Variants in LRRC1 observed in about 807,000 individuals in gnomAD.
The protein encoded by LRRC1 is leucine-rich repeat-containing protein 1.
Under a neutral mutation model 69.9 loss-of-function variants are expected in LRRC1, and 28 were observed. That is an observed-to-expected ratio of 0.40 (90% CI 0.30 to 0.55). The LOEUF (loss-of-function observed/expected upper bound fraction) is 0.55. Among genes scored for constraint, LRRC1 ranks in the 20% least tolerant of loss-of-function variants. The probability of loss-of-function intolerance (pLI) is 0.47; values close to 1 mark genes in which losing one functional copy is unlikely to be tolerated. For synonymous variants in LRRC1, 236 were observed against 240.2 expected (o/e 0.98, Z 0.16); for missense variants, 498 against 609.0 (o/e 0.82, Z 1.92).
chr6:53,840,828 T>A (rs1222370557), intron 1 of LRRC1, among the ~76,000 whole-genome samples: 1 of 152,036 alleles, frequency 6.6e-6, no homozygotes, highest in African/African-American at 2.4e-5. Context: ...GTTGAGGAAT[T>A]ATTTTTTCTG....
intron 2 of LRRC1, among the ~76,000 whole-genome samples, chr6:53,846,377 G>A (rs1307307858): frequency 6.6e-6 from 1 of 152,210 alleles, no homozygotes; most frequent in Non-Finnish European, 1.5e-5. Flanking sequence ...AGTGCATATG[G>A]TCTCTTCCCC....
chr6:53,857,892 G>A (rs1202725736), intron 2 of LRRC1, among the ~76,000 whole-genome samples: 1 of 152,240 alleles, frequency 6.6e-6, no homozygotes, highest in Non-Finnish European at 1.5e-5. Context: ...TCTAAGGGAT[G>A]TGAGCAATTA....
intron 10 of LRRC1, among the ~76,000 whole-genome samples, chr6:53,911,169 A>G (rs1768397041): frequency 6.6e-6 from 1 of 152,212 alleles, no homozygotes; most frequent in Non-Finnish European, 1.5e-5. Flanking sequence ...TGGGTGTGAG[A>G]TTAGAGTGGG....
chr6:53,919,926 G>A (rs994726467), intron 12 of LRRC1, among the ~76,000 whole-genome samples: 4 of 152,208 alleles, frequency 2.6e-5, no homozygotes, highest in African/African-American at 9.7e-5. Context: ...AGCTAAGGCT[G>A]AAAATACAAT....
chr6:53,822,072 T>C (rs1765133142), intron 1 of LRRC1, among the ~76,000 whole-genome samples: 1 of 152,182 alleles, frequency 6.6e-6, no homozygotes. Flanking sequence ...CAGTTTCTCT[T>C]TGTTGTTACC....
intron 1 of LRRC1, among the ~76,000 whole-genome samples, chr6:53,796,917 A>T (rs1410729950): frequency 6.6e-6 from 1 of 152,226 alleles, no homozygotes; most frequent in African/African-American, 2.4e-5. Flanking sequence ...AGGCAGTGAT[A>T]TCACCAGGAA....
chr6:53,922,799 CACCTCCAAGTTTT>C lies in LRRC1; in HGVS notation c.*13_*25del, dbSNP rs1768778766. 1 of 1,611,022 alleles carries C rather than the reference CACCTCCAAGTTTT, an allele frequency of 6.2e-7. No individual in the cohort carries two copies. On this transcript the variant is annotated 3_prime_UTR_variant, in exon 14 of 14. Transcript: ENST00000370888. ...GAGTGACCACTTCTGTGTAGAGTTT[CACCTCCAAGTTTT>C]ACCTCCTGTGTCTTCCTCTGCTGTC... is the stretch of plus-strand genomic sequence containing the variant.
In LRRC1 at chr6:53,913,356, GA is replaced by G. The variant is rs202165012; in HGVS notation, c.991-487del. On this transcript the variant is annotated intron_variant, in intron 10 of 13. Coordinates refer to ENST00000370888, the MANE Select transcript of LRRC1 (RefSeq NM_018214.5). ...TCATCTGTAAGATACCCCTCTTTTT[GA>G]AAAAAAAAAACCAAAAAACAAAAAA... Among the ~76,000 whole-genome samples the G allele has an allele frequency of 7.9e-4, 111 of 139,832 alleles. 3 individuals are homozygous for G. In the East Asian group the frequency reaches 0.016, roughly 20 times the overall value. 91.7% of individuals were successfully genotyped at this position (139,832 alleles called of 152,430 possible).
At chr6:53,913,440 A>G (rs892403929) in intron 10 of LRRC1, among the ~76,000 whole-genome samples, 3 of 152,170 alleles carry the variant, frequency 2.0e-5, no homozygotes, top group Non-Finnish European at 4.4e-5. Flanking sequence ...TTATGTGTGT[A>G]TCAGTATCAC....
rs530144340 is a variant in LRRC1, at chr6:53,838,537, G to GT, written c.160-3569dup. On this transcript the variant is annotated intron_variant, in intron 1 of 13. Coordinates refer to ENST00000370888, the MANE Select transcript of LRRC1 (RefSeq NM_018214.5). ...TATGGAGATGGTGATGGGTTTTGTA[G>GT]TTTTGCTATTATGCCTTTCCTAGAA... is the stretch of plus-strand genomic sequence containing the variant. Among the ~76,000 whole-genome samples, 198 of 152,288 alleles carry GT rather than the reference G, an allele frequency of 1.3e-3. 1 individual carries two copies. The highest frequency in any genetic ancestry group is 1.9e-3 in the Non-Finnish European group (130 of 68,020).
intron 2 of LRRC1, among the ~76,000 whole-genome samples, chr6:53,856,414 T>A (rs1280459726): frequency 6.6e-6 from 1 of 152,108 alleles, no homozygotes; most frequent in African/African-American, 2.4e-5. Context: ...CTGAAGGAGC[T>A]GGGAGGTTGT....
intron 2 of LRRC1, among the ~76,000 whole-genome samples, chr6:53,858,624 C>A (rs1334221078): frequency 6.6e-6 from 1 of 152,170 alleles, no homozygotes; most frequent in Admixed American, 6.5e-5. Context: ...CCCTTGGGAC[C>A]ATTGTTTCCA....
At chr6:53,917,765 T>C (rs186493593) in intron 11 of LRRC1, among the ~76,000 whole-genome samples, 1 of 152,318 alleles carries the variant, frequency 6.6e-6, no homozygotes, top group Admixed American at 6.5e-5. Context: ...TTAAAAGATG[T>C]AGGAGAAAAA....
At chr6:53,905,717 C>T (rs1022491087) in intron 10 of LRRC1, among the ~76,000 whole-genome samples, 1 of 152,170 alleles carries the variant, frequency 6.6e-6, no homozygotes, top group African/African-American at 2.4e-5. Flanking sequence ...GTTCGGCCCA[C>T]AGTGTCCCAG....
intron 1 of LRRC1, among the ~76,000 whole-genome samples, chr6:53,810,178 A>T (rs949382544): frequency 6.6e-6 from 1 of 152,236 alleles, no homozygotes; most frequent in Non-Finnish European, 1.5e-5. Context: ...AGCCTGCCTG[A>T]TTCTTGCAGA....
At chr6:53,853,294 T>G (rs1019429177) in intron 2 of LRRC1, among the ~76,000 whole-genome samples, 1 of 150,780 alleles carries the variant, frequency 6.6e-6, no homozygotes, top group African/African-American at 2.5e-5. Flanking sequence ...TTTTTTTTTT[T>G]TTTTTTTTGA....
At chr6:53,844,159 C>G (rs1423482151) in intron 2 of LRRC1, among the ~76,000 whole-genome samples, 1 of 152,188 alleles carries the variant, frequency 6.6e-6, no homozygotes, top group East Asian at 1.9e-4. Flanking sequence ...CTGTATAATA[C>G]TTTCCCAAGG....
At chr6:53,910,918 C>T (rs1262442156) in intron 10 of LRRC1, among the ~76,000 whole-genome samples, 2 of 152,238 alleles carry the variant, frequency 1.3e-5, no homozygotes, top group Non-Finnish European at 2.9e-5. Context: ...TGTGCCATCC[C>T]TTCCTGGCTG....
chr6:53,849,355 C>T (rs929968381), intron 2 of LRRC1, among the ~76,000 whole-genome samples: 1 of 152,166 alleles, frequency 6.6e-6, no homozygotes, highest in African/African-American at 2.4e-5. Flanking sequence ...AATGGTTTCT[C>T]CTGAAATAAA....
Sources: allele counts gnomAD v4.1 joint callset (sites outside exome capture counted in the v4.1 genomes callset), GRCh38; gene constraint gnomAD v4.1.1; transcripts MANE v1.5; gene names NCBI Gene and HGNC (gene_info 2026-07-23, HGNC 2026-07-21).